Variants in MEIS3 observed in about 807,000 individuals in gnomAD.
MEIS3 encodes Meis homeobox 3, also known as homeobox protein Meis3.
In MEIS3, 38 loss-of-function variants were observed where a neutral mutation model predicts 51.4. The observed-to-expected ratio is 0.74, with a 90% CI of 0.57 to 0.97. MEIS3 has a LOEUF of 0.97. MEIS3 is among the 50% of genes least tolerant of loss of function. The pLI is 0.00. For missense variants in MEIS3, 456 were observed against 502.6 expected (o/e 0.91, Z 0.89); for synonymous variants, 198 against 201.8 (o/e 0.98, Z 0.16).
At chr19:47,409,996 C>T (rs1192616967) in intron 6 of MEIS3, among the ~76,000 whole-genome samples, 3 of 151,948 alleles carry the variant, frequency 2.0e-5, no homozygotes, top group Non-Finnish European at 2.9e-5. Context: ...TCTGAGCCTC[C>T]GTTTCCTTAA....
chr19:47,421,117 G>GGCCT (rs1971704185), upstream of MEIS3, among the ~76,000 whole-genome samples: 1 of 151,932 alleles, frequency 6.6e-6, no homozygotes, highest in Non-Finnish European at 1.5e-5. Context: ...GGTGTGCTTG[G>GGCCT]GCCTCCCTGT....
At chr19:47,421,337 G>T (rs1971710359), upstream of MEIS3, among the ~76,000 whole-genome samples, 1 of 152,114 alleles carries the variant, frequency 6.6e-6, no homozygotes, top group African/African-American at 2.4e-5. Flanking sequence ...CAGCGGACTG[G>T]CCCTTCAGTG....
In MEIS3 at chr19:47,417,967, C is replaced by T. The variant is rs1043325087; in HGVS notation, c.13-617G>A. The T allele has an allele frequency of 6.1e-6, 3 of 490,096 alleles. No individual in the cohort carries two copies. In the Admixed American group the frequency reaches 1.1e-4, roughly 19 times the overall value. 30.4% of individuals were successfully genotyped at this position (490,096 alleles called of 1,614,324 possible). On this transcript the variant is annotated intron_variant, in intron 1 of 12. Coordinates refer to ENST00000558555, the MANE Select transcript of MEIS3 (RefSeq NM_001301059.2). ...CACATGCACACAGCCCAACACCAGG[C>T]ACAAGAATGAATGCATGATTGAGAC... is the stretch of plus-strand genomic sequence containing the variant.
intron 1 of MEIS3, 92 bp from the exon 2 acceptor site, chr19:47,417,442 G>A (rs1449788466): frequency 1.4e-6 from 2 of 1,466,318 alleles, no homozygotes; most frequent in East Asian, 2.4e-5. Flanking sequence ...TGGAACCCAG[G>A]AGATGCCCTT....
chr19:47,417,605 G>C, intron 1 of MEIS3: 1 of 703,302 alleles, frequency 1.4e-6, no homozygotes, highest in Non-Finnish European at 2.6e-6. Flanking sequence ...AGGGAGAGAC[G>C]GCAGGGTCTG....
In MEIS3 at chr19:47,417,214, C is replaced by A; in HGVS notation, c.149G>T (p.Ser50Ile). Residue 50 changes from serine (S) to isoleucine (I), a missense_variant, in exon 2 of 13, where the codon AGC becomes ATC. Coordinates refer to ENST00000558555, the MANE Select transcript of MEIS3 (RefSeq NM_001301059.2). ...ATCCTTCTCCCTCTTCAGGCCGTCG[C>A]TGTCCAAGCCTGGGGGCAGGGGCTG... Reference protein sequence around the residue: ...PPQPLPPGLDSDGLKREKDEI... With the variant: ...PPQPLPPGLDIDGLKREKDEI... 6.4e-7 allele frequency: 1 copy of A among 1,573,386 alleles called. No homozygotes were observed. Among genetic ancestry groups the A allele is most frequent in the Non-Finnish European group, 8.6e-7 (1 of 1,162,794 alleles).
chr19:47,407,226 G>A, intron 9 of MEIS3, 89 bp from the exon 10 acceptor site: 1 of 1,497,972 alleles, frequency 6.7e-7, no homozygotes, highest in Non-Finnish European at 9.0e-7. Context: ...GAGGACAGCG[G>A]CGGGGGAGGC....
intron 6 of MEIS3, among the ~76,000 whole-genome samples, chr19:47,410,250 C>A (rs1206382069): frequency 6.6e-6 from 1 of 152,108 alleles, no homozygotes; most frequent in African/African-American, 2.4e-5. Flanking sequence ...GAGTTGAAGA[C>A]CAGCCTGGCC....
chr19:47,416,868 G>A lies in MEIS3; in HGVS notation c.281C>T (p.Pro94Leu), dbSNP rs566084455. ...AGAGGAGCAGACGTCACCTCCAGGG[G>A]GTGTCCCCAGCCCAGCTCCGGCCCC... ...RDGAGAGLGT[P>L]PGGDVCSSDS... The change falls in exon 3 of 13, where the codon CCC becomes CTC. Residue 94 changes from proline to leucine, a missense_variant. Pro to Leu is a moderately conservative substitution (Grantham distance 98). Coordinates refer to ENST00000558555, the MANE Select transcript of MEIS3 (RefSeq NM_001301059.2). The A allele has an allele frequency of 1.6e-4, 252 of 1,614,014 alleles. 8 individuals are homozygous for A. In the South Asian group the frequency reaches 1.9e-3, roughly 12 times the overall value.
chr19:47,419,051 TC>T lies in MEIS3; in HGVS notation c.12+18del. 2 of 1,225,628 alleles carry T rather than the reference TC, an allele frequency of 1.6e-6. No homozygotes were observed. Among genetic ancestry groups the T allele is most frequent in the Non-Finnish European group, 2.0e-6 (2 of 985,514 alleles). The allele number at this position is 1,225,628 out of a possible 1,614,324, so 75.9% of individuals were successfully genotyped here. On this transcript the variant is annotated intron_variant, in intron 1 of 12. Transcript: ENST00000558555. The stretch of plus-strand genomic sequence containing the variant: ...GTGCGGAAGCGGCCGGGACGCGGGG[TC>T]CCCGCCCCGAGACCTACCCTCCGGG...
intron 6 of MEIS3, among the ~76,000 whole-genome samples, chr19:47,410,773 A>T (rs1971095166): frequency 6.6e-6 from 1 of 152,156 alleles, no homozygotes; most frequent in Admixed American, 6.6e-5. Flanking sequence ...CTCAAAAAAA[A>T]GAAAAGGAAA....
At chr19:47,415,137 G>T in intron 4 of MEIS3, 36 bp from the exon 5 acceptor site, 1 of 1,236,758 alleles carries the variant, frequency 8.1e-7, no homozygotes, top group Non-Finnish European at 1.2e-6. Flanking sequence ...GGAGACAGAG[G>T]GAATTGGGGG....
chr19:47,417,866 C>G, intron 1 of MEIS3: 1 of 602,040 alleles, frequency 1.7e-6, no homozygotes, highest in Admixed American at 3.0e-5. Flanking sequence ...GTAGACACAG[C>G]CATACACACC....
rs1035618182 is a variant in MEIS3, at chr19:47,403,283, G to C, written c.*288C>G. The C allele has an allele frequency of 5.4e-6, 2 of 372,452 alleles. No individual in the cohort carries two copies. Among genetic ancestry groups the C allele is most frequent in the Non-Finnish European group, 1.1e-5 (2 of 190,030 alleles). The allele number at this position is 372,452 out of a possible 1,614,324, so 23.1% of individuals were successfully genotyped here. A position where few individuals can be genotyped will look rare whatever the true frequency, so the allele number is the denominator to read the frequency against. On this transcript the variant is annotated 3_prime_UTR_variant, in exon 13 of 13. Coordinates refer to ENST00000558555, the MANE Select transcript of MEIS3 (RefSeq NM_001301059.2). ...CGTCCCTTCTCTGTCCTGGCGGCGA[G>C]GCCCTAGCCGCCATCTTCTGGGGAC...
intron 12 of MEIS3, 58 bp from the exon 13 acceptor site, chr19:47,403,611 C>T (rs1970687930): frequency 2.6e-6 from 1 of 384,324 alleles, no homozygotes; most frequent in South Asian, 1.9e-5. Flanking sequence ...GGCCCCACCC[C>T]AGCCCATCTG....
intron 11 of MEIS3, 128 bp from the exon 12 acceptor site, chr19:47,406,654 G>A (rs1349958638): frequency 3.0e-6 from 3 of 995,206 alleles, no homozygotes; most frequent in African/African-American, 3.2e-5. Context: ...ATAAGAAGGT[G>A]CTGGCCCTTT....
Position 47,416,921 on chromosome 19 carries a change from A to G in MEIS3, c.228T>C (p.Cys76=). Residue 76 remains cysteine (C), a synonymous_variant, in exon 3 of 13, where the codon TGT becomes TGC. Transcript: ENST00000558555. ...FPLLALVFEK[C]ELATCSPRDG... Reference sequence around the variant, plus strand: ...CACGGGGAGAGCATGTAGCCAGTTCACATTTCTCAAAGACCAGGGCCAAGA... The same window carrying G: ...CACGGGGAGAGCATGTAGCCAGTTCGCATTTCTCAAAGACCAGGGCCAAGA... 6.2e-7 allele frequency: 1 copy of G among 1,609,432 alleles called. No homozygotes were observed. The highest frequency in any genetic ancestry group is 8.5e-7 in the Non-Finnish European group (1 of 1,177,870).
At chr19:47,417,655 A>G (rs1303876987) in intron 1 of MEIS3, 1 of 702,830 alleles carries the variant, frequency 1.4e-6, no homozygotes, top group South Asian at 1.5e-5. Flanking sequence ...GCGTGAGAAG[A>G]CAGTGACAGA....
chr19:47,410,493 G>A (rs1227124851), intron 6 of MEIS3, among the ~76,000 whole-genome samples: 3 of 150,990 alleles, frequency 2.0e-5, no homozygotes, highest in Non-Finnish European at 3.0e-5. Flanking sequence ...AGGGCCGGGC[G>A]CGATGGCTCA....
Sources: allele counts gnomAD v4.1 joint callset (sites outside exome capture counted in the v4.1 genomes callset), GRCh38; gene constraint gnomAD v4.1.1; transcripts MANE v1.5; gene names NCBI Gene and HGNC (gene_info 2026-07-23, HGNC 2026-07-21).